Variants in GOLPH3 observed in about 807,000 individuals in gnomAD.
GOLPH3 encodes the protein coat protein GPP34.
Under a neutral mutation model 28.5 loss-of-function variants are expected in GOLPH3, and 14 were observed. That is an observed-to-expected ratio of 0.49 (90% CI 0.32 to 0.77). GOLPH3 has a LOEUF of 0.77. Ranked by LOEUF, GOLPH3 falls within the 30% of genes least tolerant of loss-of-function variation. GOLPH3 has a pLI of 0.03. For synonymous variants in GOLPH3, 158 were observed against 159.2 expected (o/e 0.99, Z 0.06); for missense variants, 350 against 393.7 (o/e 0.89, Z 0.94).
At chr5:32,153,862 G>A (rs1746362030) in intron 1 of GOLPH3, among the ~76,000 whole-genome samples, 1 of 152,114 alleles carries the variant, frequency 6.6e-6, no homozygotes, top group Non-Finnish European at 1.5e-5. Context: ...TACACCCAGT[G>A]TACTCACACC....
At chr5:32,149,171 C>G (rs1188218860) in intron 1 of GOLPH3, among the ~76,000 whole-genome samples, 1 of 151,962 alleles carries the variant, frequency 6.6e-6, no homozygotes, top group Non-Finnish European at 1.5e-5. Context: ...ATGAAGGTAA[C>G]AGAAAGGAAA....
At chr5:32,136,417 G>A (rs1291388676) in intron 2 of GOLPH3, among the ~76,000 whole-genome samples, 1 of 151,602 alleles carries the variant, frequency 6.6e-6, no homozygotes, top group African/African-American at 2.4e-5. Flanking sequence ...GGAGGCAGAG[G>A]TTGCAGCGGG....
intron 2 of GOLPH3, among the ~76,000 whole-genome samples, chr5:32,138,799 T>C (rs1451495480): frequency 6.6e-6 from 1 of 152,240 alleles, no homozygotes; most frequent in Non-Finnish European, 1.5e-5. Context: ...GTAGCTACCA[T>C]ATTGAACATA....
intron 1 of GOLPH3, among the ~76,000 whole-genome samples, chr5:32,168,719 G>A (rs754851295): frequency 1.3e-5 from 2 of 152,112 alleles, no homozygotes; most frequent in Non-Finnish European, 2.9e-5. Context: ...CCTACAGCTC[G>A]TTATTCTCTC....
chr5:32,174,247 T>G lies in GOLPH3; in HGVS notation c.-213A>C. Reference sequence around the variant, plus strand: ...TCGGCGGGGCAGGAGAGGAGCGCCTTCCTGCCTGTGGCCGCAGTCCCCGAA... The same window carrying G: ...TCGGCGGGGCAGGAGAGGAGCGCCTGCCTGCCTGTGGCCGCAGTCCCCGAA... On this transcript the variant is annotated 5_prime_UTR_variant, in exon 1 of 4. Coordinates refer to ENST00000265070, the MANE Select transcript of GOLPH3 (RefSeq NM_022130.4). 2.7e-6 allele frequency: 1 copy of G among 366,564 alleles called. No individual in the cohort carries two copies. The highest frequency in any genetic ancestry group is 4.8e-6 in the Non-Finnish European group (1 of 206,392). The allele number at this position is 366,564 out of a possible 1,614,324, so 22.7% of individuals were successfully genotyped here.
At position 32,127,036 on chromosome 5, in the gene GOLPH3, AAT is replaced by A. The variant is rs1374082673; in HGVS notation, c.473-402_473-401del. On this transcript the variant is annotated intron_variant, in intron 3 of 3. Transcript: ENST00000265070. ...GACTAAAAAAAAAAGCTTCCTGATT[AAT>A]ATGTTATTCCTGAAACTGCTACACA... 3.9e-4 allele frequency among the ~76,000 whole-genome samples: 60 copies of A among 152,262 alleles called. 1 individual carries two copies. Among genetic ancestry groups the A allele is most frequent in the Admixed American group, 3.9e-3 (60 of 15,286 alleles).
intron 2 of GOLPH3, among the ~76,000 whole-genome samples, chr5:32,137,984 A>C (rs914717302): frequency 6.6e-6 from 1 of 150,628 alleles, no homozygotes; most frequent in African/African-American, 2.5e-5. Context: ...GCTCACTGCA[A>C]CCTCCGCCTC....
intron 1 of GOLPH3, among the ~76,000 whole-genome samples, chr5:32,160,413 T>A (rs1746546822): frequency 6.6e-6 from 1 of 152,220 alleles, no homozygotes; most frequent in East Asian, 1.9e-4. Flanking sequence ...TTTAACTCAA[T>A]AAACTCTACT....
intron 2 of GOLPH3, among the ~76,000 whole-genome samples, chr5:32,140,763 C>A (rs1342356278): frequency 6.6e-6 from 1 of 150,558 alleles, no homozygotes; most frequent in East Asian, 1.9e-4. Flanking sequence ...ATCATACCAA[C>A]CACCCTCCTG....
intron 1 of GOLPH3, among the ~76,000 whole-genome samples, chr5:32,164,253 C>G (rs548008796): frequency 7.9e-5 from 12 of 152,278 alleles, no homozygotes; most frequent in African/African-American, 2.9e-4. Context: ...GTTTCTCACC[C>G]TTTATTTCAT....
Position 32,174,025 on chromosome 5 carries a change from G to A in GOLPH3, c.10C>T (p.Leu4=), listed in dbSNP as rs748809830. The change falls in exon 1 of 4, where the codon CTG becomes TTG. Residue 4 remains leucine, a synonymous_variant. Coordinates refer to ENST00000265070, the MANE Select transcript of GOLPH3 (RefSeq NM_022130.4). MTS[L]TQRSSGLVQR... ...ACCAGGCCGGAGCTGCGCTGGGTCA[G>A]CGAGGTCATGGCTCCCGCCGAGGCG... The A allele has an allele frequency of 2.2e-4, 290 of 1,296,446 alleles. No individual in the cohort carries two copies. In the Middle Eastern group the frequency reaches 2.2e-3, roughly 10 times the overall value. 80.3% of individuals were successfully genotyped at this position (1,296,446 alleles called of 1,614,324 possible). A position where few individuals can be genotyped will look rare whatever the true frequency, so the allele number is the denominator to read the frequency against.
intron 3 of GOLPH3, 118 bp from the exon 4 acceptor site, chr5:32,126,754 G>A: frequency 1.3e-6 from 1 of 785,852 alleles, no homozygotes; most frequent in Non-Finnish European, 2.0e-6. Context: ...AAGAAAATCT[G>A]CCATGTTTTT....
At chr5:32,136,677 G>A (rs941604430) in intron 2 of GOLPH3, among the ~76,000 whole-genome samples, 2 of 152,050 alleles carry the variant, frequency 1.3e-5, no homozygotes, top group African/African-American at 2.4e-5. Context: ...CCGAAAATCC[G>A]AACTCCTTCA....
At chr5:32,170,462 C>T (rs980359902) in intron 1 of GOLPH3, among the ~76,000 whole-genome samples, 1 of 152,104 alleles carries the variant, frequency 6.6e-6, no homozygotes, top group Admixed American at 6.6e-5. Flanking sequence ...TAGGAGAATC[C>T]AGACATTAAA....
rs1431480330 is a variant in GOLPH3, at chr5:32,143,697, T to G, written c.357+52A>C. On this transcript the variant is annotated intron_variant, in intron 2 of 3. Coordinates refer to ENST00000265070, the MANE Select transcript of GOLPH3 (RefSeq NM_022130.4). ...TGAAGGCTACTAGTAAAAACATACATTTTAAGCAGTACAACCTCTTTAAAA... is the reference window on the plus strand; with the variant it reads ...TGAAGGCTACTAGTAAAAACATACAGTTTAAGCAGTACAACCTCTTTAAAA... 2.0e-6 allele frequency: 3 copies of G among 1,490,100 alleles called. No homozygotes were observed. In the African/African-American group the frequency reaches 4.3e-5, roughly 22 times the overall value. 92.3% of individuals were successfully genotyped at this position (1,490,100 alleles called of 1,614,324 possible). A position where few individuals can be genotyped will look rare whatever the true frequency, so the allele number is the denominator to read the frequency against.
chr5:32,136,725 G>A (rs1036100954), intron 2 of GOLPH3, among the ~76,000 whole-genome samples: 12 of 152,064 alleles, frequency 7.9e-5, no homozygotes, highest in Admixed American at 1.3e-4. Flanking sequence ...TGCATCCATT[G>A]GAACATTCTG....
At chr5:32,165,719 G>C (rs453525) in intron 1 of GOLPH3, among the ~76,000 whole-genome samples, 40,779 of 152,018 alleles carry the variant, frequency 0.27, 6,192 homozygotes, top group South Asian at 0.41. Flanking sequence ...ACTTAGTAAA[G>C]GGCCTCTCAC....
In GOLPH3 at chr5:32,173,815, G is replaced by A; in HGVS notation, c.220C>T (p.Arg74Cys). ...EEVLLLGLKD[R>C]EGYTSFWNDC... ...CCAGCCCGCCGCGCCCGCACCTCGC[G>A]GTCCTTGAGGCCCAGCAGGAGCACT... The change falls in exon 1 of 4, where the codon CGC becomes TGC. Residue 74 changes from arginine to cysteine, a missense_variant. Transcript: ENST00000265070. The A allele has an allele frequency of 6.9e-7, 1 of 1,452,522 alleles. No homozygotes were observed. The highest frequency in any genetic ancestry group is 9.1e-7 in the Non-Finnish European group (1 of 1,103,632). The allele number at this position is 1,452,522 out of a possible 1,614,324, so 90.0% of individuals were successfully genotyped here.
intron 1 of GOLPH3, among the ~76,000 whole-genome samples, chr5:32,167,461 C>T (rs1366187946): frequency 2.0e-5 from 3 of 152,002 alleles, no homozygotes; most frequent in African/African-American, 4.8e-5. Flanking sequence ...TGTGAGCCAC[C>T]GCACCCAGCC....
Sources: gnomAD v4.1 joint callset for allele counts (sites outside exome capture counted in the v4.1 genomes callset) on GRCh38, gnomAD v4.1.1 for gene constraint, MANE v1.5 for transcripts, NCBI Gene and HGNC (gene_info 2026-07-23, HGNC 2026-07-21) for gene names.